The following NR3C1 variants were observed in gnomAD, a reference collection of about 807,000 sequenced individuals.
The protein encoded by NR3C1 is glucocorticoid receptor.
In NR3C1, 14 loss-of-function variants were observed where a neutral mutation model predicts 74.0. That is an observed-to-expected ratio of 0.19 (90% CI 0.12 to 0.30). The LOEUF (loss-of-function observed/expected upper bound fraction) is 0.30. Ranked by LOEUF, NR3C1 falls within the 10% of genes least tolerant of loss-of-function variation. NR3C1 has a pLI of 1.00. For missense variants in NR3C1, 695 were observed against 909.8 expected, an observed-to-expected ratio of 0.76 and a Z score of 3.04; for synonymous variants, 308 against 332.5, an observed-to-expected ratio of 0.93 and a Z score of 0.80.
intron 2 of NR3C1, among the ~76,000 whole-genome samples, chr5:143,383,728 G>A (rs1836678116): frequency 6.6e-6 from 1 of 152,106 alleles, no homozygotes; most frequent in Non-Finnish European, 1.5e-5. Flanking sequence ...ATGGCACACT[G>A]GTATGTTGTT....
chr5:143,384,827 T>A (rs1051194809), intron 2 of NR3C1, among the ~76,000 whole-genome samples: 2 of 152,064 alleles, frequency 1.3e-5, no homozygotes, highest in South Asian at 2.1e-4. Context: ...CACTCTGGAG[T>A]CTGGAGGATG....
At chr5:143,367,412 C>G (rs1268596503) in intron 2 of NR3C1, among the ~76,000 whole-genome samples, 2 of 152,066 alleles carry the variant, frequency 1.3e-5, no homozygotes, top group Non-Finnish European at 2.9e-5. Context: ...GCTAGGGCAA[C>G]TAGGCAAGAA....
At chr5:143,305,259 T>C (rs552411537) in intron 4 of NR3C1, among the ~76,000 whole-genome samples, 1 of 151,880 alleles carries the variant, frequency 6.6e-6, no homozygotes, top group African/African-American at 2.4e-5. Context: ...AACAAACATA[T>C]GGAAAAATGC....
Position 143,281,332 on chromosome 5 carries a change from A to G in NR3C1, c.*557T>C, listed in dbSNP as rs968299049. 4 of 153,856 alleles carry G rather than the reference A, an allele frequency of 2.6e-5. No individual in the cohort carries two copies. Among genetic ancestry groups the G allele is most frequent in the African/African-American group, 9.6e-5 (4 of 41,454 alleles). The allele number at this position is 153,856 out of a possible 1,614,324, so 9.5% of individuals were successfully genotyped here. On this transcript the variant is annotated 3_prime_UTR_variant, in exon 9 of 9. Transcript: ENST00000394464. Reference sequence around the variant, plus strand: ...ATAAAAAATTATGTAAGAAAAAATGAGCAAGCGTAGTTCACTAAATATAAA... The same window carrying G: ...ATAAAAAATTATGTAAGAAAAAATGGGCAAGCGTAGTTCACTAAATATAAA...
At chr5:143,398,356 G>GTGTTTTT (rs556234844) in intron 2 of NR3C1, among the ~76,000 whole-genome samples, 1 of 85,342 alleles carries the variant, frequency 1.2e-5, no homozygotes, top group Admixed American at 1.2e-4. Flanking sequence ...AGGTTTTTTG[G>GTGTTTTT]TTTTTTTTTT....
chr5:143,307,098 G>A (rs1165793276), intron 4 of NR3C1, among the ~76,000 whole-genome samples: 1 of 151,864 alleles, frequency 6.6e-6, no homozygotes, highest in Middle Eastern at 3.4e-3. Context: ...GGGTTTCACC[G>A]TGTTAGCCAG....
At chr5:143,350,684 G>C (rs1830077849) in intron 2 of NR3C1, among the ~76,000 whole-genome samples, 1 of 152,214 alleles carries the variant, frequency 6.6e-6, no homozygotes, top group African/African-American at 2.4e-5. Context: ...AATGGTAACT[G>C]AAGCAACAGA....
chr5:143,366,714 T>A (rs1833273321), intron 2 of NR3C1, among the ~76,000 whole-genome samples: 1 of 151,962 alleles, frequency 6.6e-6, no homozygotes. Context: ...GATAACTACA[T>A]GAAATGAACA....
intron 1 of NR3C1, among the ~76,000 whole-genome samples, chr5:143,424,933 T>C (rs996277561): frequency 6.6e-6 from 1 of 151,974 alleles, no homozygotes; most frequent in African/African-American, 2.4e-5. Flanking sequence ...TAACTCAAAA[T>C]AGCAAAACAA....
chr5:143,415,312 T>C (rs1600670356), intron 1 of NR3C1, among the ~76,000 whole-genome samples: 1 of 151,686 alleles, frequency 6.6e-6, no homozygotes, highest in Admixed American at 6.6e-5. Context: ...TTATGTGAAA[T>C]AGAAAGTAGA....
intron 6 of NR3C1, 48 bp from the exon 7 acceptor site, chr5:143,295,638 C>T: frequency 6.6e-7 from 1 of 1,510,938 alleles, no homozygotes. Context: ...CTGCTACTTC[C>T]CCCCAAAAAG....
intron 2 of NR3C1, among the ~76,000 whole-genome samples, chr5:143,328,621 C>T (rs760243143): frequency 1.5e-4 from 23 of 152,174 alleles, no homozygotes; most frequent in South Asian, 1.4e-3. Context: ...ACCATATCTT[C>T]GTGAATGCAC....
intron 1 of NR3C1, chr5:143,402,599 G>A (rs10482615): frequency 1.0e-6 from 1 of 985,390 alleles, no homozygotes; most frequent in Non-Finnish European, 1.2e-6. Context: ...AGTACGTCCA[G>A]ACCTGTTGAG....
intron 2 of NR3C1, among the ~76,000 whole-genome samples, chr5:143,381,962 C>T (rs1837262): frequency 6.6e-6 from 1 of 151,998 alleles, no homozygotes; most frequent in Non-Finnish European, 1.5e-5. Context: ...TGCACAGCAA[C>T]GGAAACAACA....
intron 4 of NR3C1, among the ~76,000 whole-genome samples, chr5:143,308,866 T>C (rs1485686025): frequency 6.6e-6 from 1 of 152,190 alleles, no homozygotes; most frequent in Non-Finnish European, 1.5e-5. Flanking sequence ...TGCATATTTG[T>C]TGAATAAAAG....
At chr5:143,402,515 A>T in intron 1 of NR3C1, 1 of 873,492 alleles carries the variant, frequency 1.1e-6, no homozygotes, top group Non-Finnish European at 1.4e-6. Flanking sequence ...GGCGCGAATT[A>T]ACAACAAACG....
chr5:143,396,843 T>C (rs1336013415), intron 2 of NR3C1, among the ~76,000 whole-genome samples: 1 of 151,770 alleles, frequency 6.6e-6, no homozygotes, highest in East Asian at 1.9e-4. Flanking sequence ...CCTAAAACCA[T>C]TTCTGTTCTC....
At chr5:143,417,571 T>C (rs1392463221) in intron 1 of NR3C1, among the ~76,000 whole-genome samples, 1 of 152,164 alleles carries the variant, frequency 6.6e-6, no homozygotes, top group African/African-American at 2.4e-5. Context: ...AAAAAAGATA[T>C]TCTCTGTAAA....
intron 1 of NR3C1, among the ~76,000 whole-genome samples, chr5:143,412,264 A>AG (rs60091375): frequency 0.042 from 1,501 of 35,784 alleles, 16 homozygotes; most frequent in Middle Eastern, 0.13. Flanking sequence ...CTCAAAGTGC[A>AG]GGGGGGGAGG....
Sources: allele counts gnomAD v4.1 joint callset (sites outside exome capture counted in the v4.1 genomes callset), GRCh38; gene constraint gnomAD v4.1.1; transcripts MANE v1.5; gene names NCBI Gene and HGNC (gene_info 2026-07-23, HGNC 2026-07-21).